The following RBFOX1 variants were observed in gnomAD, a reference collection of about 807,000 sequenced individuals.
RBFOX1 encodes RNA binding fox-1 homolog 1.
RBFOX1 carries 8 observed loss-of-function variants against 57.7 expected under a neutral mutation model. The ratio of observed to expected loss-of-function variants is 0.14; its 90% CI spans 0.08 to 0.25. RBFOX1 has a LOEUF of 0.25. Among genes scored for constraint, RBFOX1 ranks in the 10% least tolerant of loss-of-function variants. RBFOX1 has a pLI of 1.00. For synonymous variants in RBFOX1, 326 were observed against 222.4 expected, an observed-to-expected ratio of 1.47 and a Z score of -4.15; for missense variants, 611 against 548.5, an observed-to-expected ratio of 1.11 and a Z score of -1.14.
Position 6,353,869 on chromosome 16 carries a change from C to T in RBFOX1, c.-64+36812C>T, listed in dbSNP as rs181713219. Among the ~76,000 whole-genome samples, 47 of 152,294 alleles carry T rather than the reference C, an allele frequency of 3.1e-4. No individual in the cohort carries two copies. The East Asian group carries it at 8.9e-3, about 29-fold the overall frequency. ...GGGCTCTGGTGTTCTTCCTGCTTTT[C>T]CTGCCTTCAGTGAAGAACTTGTTCA... On this transcript the variant is annotated intron_variant, in intron 2 of 15. Coordinates refer to ENST00000550418, the MANE Select transcript of RBFOX1 (RefSeq NM_018723.4).
chr16:6,761,500 CTT>C (rs869243278), intron 3 of RBFOX1, among the ~76,000 whole-genome samples: 117 of 60,128 alleles, frequency 1.9e-3, no homozygotes, highest in South Asian at 3.7e-3. Flanking sequence ...TCCCAATCTC[CTT>C]TTTTTTTTTT....
chr16:6,889,913 A>G (rs1289584861), intron 3 of RBFOX1, among the ~76,000 whole-genome samples: 7 of 152,216 alleles, frequency 4.6e-5, no homozygotes, highest in Admixed American at 4.6e-4. Context: ...TATAGCATTC[A>G]AAACAAAATT....
intron 4 of RBFOX1, among the ~76,000 whole-genome samples, chr16:7,476,110 C>A (rs563296934): frequency 6.6e-6 from 1 of 152,222 alleles, no homozygotes; most frequent in African/African-American, 2.4e-5. Flanking sequence ...GGACCACTAG[C>A]ACACATCACC....
At chr16:6,774,871 T>A (rs2079045596) in intron 3 of RBFOX1, among the ~76,000 whole-genome samples, 1 of 152,080 alleles carries the variant, frequency 6.6e-6, no homozygotes, top group Admixed American at 6.6e-5. Flanking sequence ...ACTGAGGGGC[T>A]TTTAAAATAA....
At chr16:6,534,080 A>G (rs750029285) in intron 2 of RBFOX1, among the ~76,000 whole-genome samples, 1 of 152,218 alleles carries the variant, frequency 6.6e-6, no homozygotes, top group Non-Finnish European at 1.5e-5. Flanking sequence ...ATATCTGCAC[A>G]TAAGGCTTCT....
chr16:7,710,857 AATAC>A lies in RBFOX1; in HGVS notation c.*114_*117del. ...TTTTAGCAACTCTAAAAAAAAAAAA[AATAC>A]AAATAAAAAGGAAAAAAAATTACAT... On this transcript the variant is annotated 3_prime_UTR_variant, in exon 16 of 16. Coordinates refer to ENST00000550418, the MANE Select transcript of RBFOX1 (RefSeq NM_018723.4). 1 of 1,049,262 alleles carries A rather than the reference AATAC, an allele frequency of 9.5e-7. No individual in the cohort carries two copies. Among genetic ancestry groups the A allele is most frequent in the South Asian group, 3.6e-5 (1 of 27,708 alleles). 65.0% of individuals were successfully genotyped at this position (1,049,262 alleles called of 1,614,324 possible). A position where few individuals can be genotyped will look rare whatever the true frequency, so the allele number is the denominator to read the frequency against.
intron 12 of RBFOX1, among the ~76,000 whole-genome samples, chr16:7,657,058 A>G (rs1004693517): frequency 6.6e-6 from 1 of 152,160 alleles, no homozygotes; most frequent in Admixed American, 6.5e-5. Flanking sequence ...ATATCTGCCA[A>G]CCTAAATCTG....
chr16:7,712,313 A>G lies in RBFOX1; in HGVS notation c.*1568A>G, dbSNP rs2084118867. 1 of 152,558 alleles carries G rather than the reference A, an allele frequency of 6.6e-6. No homozygotes were observed. The highest frequency in any genetic ancestry group is 2.1e-4 in the South Asian group (1 of 4,820). 9.5% of individuals were successfully genotyped at this position (152,558 alleles called of 1,614,324 possible). On this transcript the variant is annotated 3_prime_UTR_variant, in exon 16 of 16. Transcript: ENST00000550418. Reference sequence around the variant, plus strand: ...GTACAGTGCAGGCCCTGTGGCCCGCACTTCAGTAAGTTATCAACTCTCACC... The same window carrying G: ...GTACAGTGCAGGCCCTGTGGCCCGCGCTTCAGTAAGTTATCAACTCTCACC...
intron 1 of RBFOX1, among the ~76,000 whole-genome samples, chr16:5,299,848 G>C (rs141931163): frequency 6.6e-6 from 1 of 152,026 alleles, no homozygotes; most frequent in Non-Finnish European, 1.5e-5. Context: ...TGGGGATAAT[G>C]GGTATCCTTG....
At chr16:6,832,623 T>A (rs1204058615) in intron 3 of RBFOX1, among the ~76,000 whole-genome samples, 1 of 152,218 alleles carries the variant, frequency 6.6e-6, no homozygotes, top group African/African-American at 2.4e-5. Context: ...TTTACCTTTT[T>A]GTTGCTTCCT....
chr16:6,955,783 G>A, intron 3 of RBFOX1, among the ~76,000 whole-genome samples: 1 of 151,996 alleles, frequency 6.6e-6, no homozygotes, highest in East Asian at 1.9e-4. Flanking sequence ...GGGGCTCACT[G>A]CAACCTCCAT....
At chr16:5,455,072 C>T (rs1234046565) in intron 1 of RBFOX1, among the ~76,000 whole-genome samples, 2 of 143,868 alleles carry the variant, frequency 1.4e-5, no homozygotes, top group South Asian at 2.2e-4. Context: ...TCTTTCTCTC[C>T]CTATGTCTCT....
intron 4 of RBFOX1, among the ~76,000 whole-genome samples, chr16:7,389,903 A>G (rs2097963224): frequency 6.6e-6 from 1 of 152,196 alleles, no homozygotes; most frequent in African/African-American, 2.4e-5. Context: ...GTAGTAGTCC[A>G]TTCTCATACT....
At chr16:6,147,330 T>C (rs2096766025) in intron 1 of RBFOX1, among the ~76,000 whole-genome samples, 1 of 152,164 alleles carries the variant, frequency 6.6e-6, no homozygotes, top group South Asian at 2.1e-4. Flanking sequence ...CAGTTTTGCT[T>C]TTCTGTGATC....
chr16:6,718,374 A>C (rs968968860), intron 3 of RBFOX1, among the ~76,000 whole-genome samples: 1 of 152,224 alleles, frequency 6.6e-6, no homozygotes, highest in African/African-American at 2.4e-5. Flanking sequence ...ATAAGGAAGT[A>C]ACTCTAGCTG....
At chr16:7,641,956 T>G (rs1165415318) in intron 11 of RBFOX1, among the ~76,000 whole-genome samples, 2 of 152,156 alleles carry the variant, frequency 1.3e-5, no homozygotes, top group Non-Finnish European at 2.9e-5. Flanking sequence ...CAGGATTTTT[T>G]AAAGTCCACC....
At chr16:7,126,076 C>G (rs370377855) in intron 4 of RBFOX1, among the ~76,000 whole-genome samples, 6 of 152,148 alleles carry the variant, frequency 3.9e-5, no homozygotes, top group African/African-American at 1.4e-4. Context: ...GAGCCGGACT[C>G]CATCTCCCCC....
chr16:7,399,180 G>C (rs776942037), intron 4 of RBFOX1, among the ~76,000 whole-genome samples: 3 of 152,228 alleles, frequency 2.0e-5, no homozygotes, highest in African/African-American at 4.8e-5. Context: ...AGGTGCGGTA[G>C]CTCACGCCTG....
intron 3 of RBFOX1, among the ~76,000 whole-genome samples, chr16:6,935,397 C>A (rs545521160): frequency 6.6e-6 from 1 of 152,294 alleles, no homozygotes; most frequent in African/African-American, 2.4e-5. Flanking sequence ...TACCATGTGA[C>A]TTCCAACAGT....
Sources: allele counts gnomAD v4.1 joint callset (sites outside exome capture counted in the v4.1 genomes callset), GRCh38; gene constraint gnomAD v4.1.1; transcripts MANE v1.5; gene names NCBI Gene and HGNC (gene_info 2026-07-23, HGNC 2026-07-21).